The following DHCR24 variants were observed in gnomAD, a reference collection of about 807,000 sequenced individuals.
DHCR24 encodes delta(24)-sterol reductase.
In DHCR24, 28 loss-of-function variants were observed where a neutral mutation model predicts 61.2. That is an observed-to-expected ratio of 0.46 (90% CI 0.34 to 0.63). DHCR24 has a LOEUF of 0.63. DHCR24 is among the 20% of genes least tolerant of loss of function. The pLI, the probability that DHCR24 is intolerant of heterozygous loss-of-function variation, is 0.01. For synonymous variants in DHCR24, 261 were observed against 275.9 expected, an observed-to-expected ratio of 0.95 and a Z score of 0.54; for missense variants, 538 against 679.1, an observed-to-expected ratio of 0.79 and a Z score of 2.31.
intron 6 of DHCR24, 48 bp downstream of exon 6, chr1:54,865,255 T>G: frequency 8.8e-6 from 14 of 1,593,950 alleles, no homozygotes; most frequent in Non-Finnish European, 1.1e-5. Context: ...CCGGGCTCCC[T>G]GCCCAGCTGG....
At position 54,851,845 on chromosome 1, in the gene DHCR24, A is replaced by C; in HGVS notation, c.*388T>G. Reference sequence around the variant, plus strand: ...ACTGCAGATGTGACGCTGAACGGGAAGCAACAAGAGCTACCACTTACCCAG... The same window carrying C: ...ACTGCAGATGTGACGCTGAACGGGACGCAACAAGAGCTACCACTTACCCAG... On this transcript the variant is annotated 3_prime_UTR_variant, in exon 9 of 9. Coordinates refer to ENST00000371269, the MANE Select transcript of DHCR24 (RefSeq NM_014762.4). 1 of 256,324 alleles carries C rather than the reference A, an allele frequency of 3.9e-6. No individual in the cohort carries two copies. Among genetic ancestry groups the C allele is most frequent in the Non-Finnish European group, 7.6e-6 (1 of 131,238 alleles). 15.9% of individuals were successfully genotyped at this position (256,324 alleles called of 1,614,324 possible).
chr1:54,852,271 C>T lies in DHCR24; in HGVS notation c.1513G>A (p.Glu505Lys). Residue 505 changes from glutamate (E) to lysine (K), a missense_variant, in exon 9 of 9, where the codon GAG (glutamate) becomes AAG (lysine). Physicochemically the swap from Glu to Lys is moderately conservative, Grantham distance 56. Coordinates refer to ENST00000371269, the MANE Select transcript of DHCR24 (RefSeq NM_014762.4). ...EKLGCQDAFP[E>K]VYDKICKAAR... ...GCCTTGCAGATCTTGTCGTACACCT[C>T]GGGGAAGGCGTCCTGGCAACCCAGC... The T allele has an allele frequency of 1.9e-6, 3 of 1,614,218 alleles. No individual in the cohort carries two copies. Among genetic ancestry groups the T allele is most frequent in the East Asian group, 2.2e-5 (1 of 44,878 alleles).
At chr1:54,885,321 T>G (rs1246922471) in intron 1 of DHCR24, among the ~76,000 whole-genome samples, 1 of 151,894 alleles carries the variant, frequency 6.6e-6, no homozygotes, top group Non-Finnish European at 1.5e-5. Flanking sequence ...AGGGAGTGAT[T>G]AGGGGTGCTG....
chr1:54,880,725 A>C (rs999227281), intron 2 of DHCR24, among the ~76,000 whole-genome samples: 32 of 152,186 alleles, frequency 2.1e-4, no homozygotes, highest in Non-Finnish European at 5.9e-5. Context: ...AGATAGCACC[A>C]CTGCACTCCA....
rs189446332 is a variant in DHCR24, at chr1:54,874,615, T to C, written c.612+478A>G. 3.1e-3 allele frequency among the ~76,000 whole-genome samples: 476 copies of C among 152,314 alleles called. 4 individuals carry two copies. The highest frequency in any genetic ancestry group is 0.011 in the African/African-American group (445 of 41,568). On this transcript the variant is annotated intron_variant, in intron 4 of 8. Coordinates refer to ENST00000371269, the MANE Select transcript of DHCR24 (RefSeq NM_014762.4). ...TTCTTATAACATATCCCTACTGTTC[T>C]GTGACACATGACTGTACCTCACAGT...
intron 6 of DHCR24, among the ~76,000 whole-genome samples, chr1:54,860,993 A>AT (rs1646934531): frequency 2.2e-3 from 65 of 29,620 alleles, no homozygotes; most frequent in Admixed American, 5.3e-3. Flanking sequence ...ATCTCAAAAA[A>AT]GAAAAAAAAA....
intron 4 of DHCR24, among the ~76,000 whole-genome samples, chr1:54,871,862 C>G (rs914690414): frequency 6.6e-6 from 1 of 152,188 alleles, no homozygotes; most frequent in Non-Finnish European, 1.5e-5. Flanking sequence ...CTTCTCCCAT[C>G]TAGGTACAGC....
At position 54,854,145 on chromosome 1, in the gene DHCR24, C is replaced by G; in HGVS notation, c.1110G>C (p.Gln370His). The G allele has an allele frequency of 6.2e-7, 1 of 1,614,126 alleles. No individual in the cohort carries two copies. Among genetic ancestry groups the G allele is most frequent in the East Asian group, 2.2e-5 (1 of 44,878 alleles). ...PPKISLLKLTQGETLRKLYEQ... is the reference protein window; with the variant it reads ...PPKISLLKLTHGETLRKLYEQ... ...CGTACAGCTTGCGCAGGGTCTCACC[C>G]TGGGTCAGCTTCAGGAGGGAGATCT... Residue 370 changes from glutamine to histidine, a missense_variant, in exon 7 of 9, where the codon CAG becomes CAC. By Grantham distance (24) the Gln-to-His change is conservative. Transcript: ENST00000371269.
chr1:54,875,846 C>T lies in DHCR24; in HGVS notation c.493+96G>A, dbSNP rs2075392. On this transcript the variant is annotated intron_variant, in intron 3 of 8. Transcript: ENST00000371269. ...ATGACTTCTGTCACAGATGGAATAG[C>T]GGCAATTCCAGGACTAGATGGAGGG... is the stretch of plus-strand genomic sequence containing the variant. The T allele has an allele frequency of 0.011, 10,612 of 949,110 alleles. 578 individuals carry two copies. The East Asian group carries it at 0.15, about 13-fold the overall frequency. The allele number at this position is 949,110 out of a possible 1,614,324, so 58.8% of individuals were successfully genotyped here. A position where few individuals can be genotyped will look rare whatever the true frequency, so the allele number is the denominator to read the frequency against.
intron 2 of DHCR24, among the ~76,000 whole-genome samples, chr1:54,882,309 CATCT>C (rs1331400392): frequency 6.6e-6 from 1 of 152,164 alleles, no homozygotes; most frequent in Non-Finnish European, 1.5e-5. Context: ...AACTACTACA[CATCT>C]ATTAGAATGG....
intron 6 of DHCR24, among the ~76,000 whole-genome samples, chr1:54,862,628 C>T (rs1317334549): frequency 6.6e-6 from 1 of 152,168 alleles, no homozygotes; most frequent in African/African-American, 2.4e-5. Flanking sequence ...CTTTAGAAAA[C>T]ATTTCTCTGT....
At chr1:54,884,490 T>C (rs1647082136) in intron 1 of DHCR24, among the ~76,000 whole-genome samples, 2 of 152,146 alleles carry the variant, frequency 1.3e-5, no homozygotes, top group Non-Finnish European at 2.9e-5. Flanking sequence ...CTAAGGTAAG[T>C]GACCAGAGCA....
In DHCR24 at chr1:54,854,147, G is replaced by C. The variant is rs1396679373; in HGVS notation, c.1108C>G (p.Gln370Glu). Reference sequence around the variant, plus strand: ...TACAGCTTGCGCAGGGTCTCACCCTGGGTCAGCTTCAGGAGGGAGATCTTG... The same window carrying C: ...TACAGCTTGCGCAGGGTCTCACCCTCGGTCAGCTTCAGGAGGGAGATCTTG... ...PPKISLLKLT[Q>E]GETLRKLYEQ... The change falls in exon 7 of 9, where the codon CAG becomes GAG. Residue 370 changes from glutamine (Q) to glutamate (E), a missense_variant. Gln to Glu is a conservative substitution (Grantham distance 29). Coordinates refer to ENST00000371269, the MANE Select transcript of DHCR24 (RefSeq NM_014762.4). The C allele has an allele frequency of 1.2e-6, 2 of 1,614,118 alleles. No homozygotes were observed. Among genetic ancestry groups the C allele is most frequent in the Non-Finnish European group, 8.5e-7 (1 of 1,179,974 alleles).
chr1:54,864,938 C>G (rs1399474567), intron 6 of DHCR24, among the ~76,000 whole-genome samples: 3 of 152,218 alleles, frequency 2.0e-5, no homozygotes, highest in African/African-American at 7.2e-5. Flanking sequence ...GAGCCCTAGG[C>G]AGAACTAGCC....
intron 6 of DHCR24, among the ~76,000 whole-genome samples, chr1:54,863,088 A>G (rs1011694408): frequency 5.4e-5 from 7 of 129,056 alleles, no homozygotes; most frequent in African/African-American, 2.1e-4. Context: ...AAAAAAAAAA[A>G]AAAAAAAAAA....
chr1:54,877,899 TACTC>T (rs143152143), intron 2 of DHCR24, among the ~76,000 whole-genome samples: 2,357 of 151,854 alleles, frequency 0.016, 80 homozygotes, highest in East Asian at 0.12. Context: ...TAATCCCACT[TACTC>T]AGGAGGCTGA....
At chr1:54,866,112 C>T (rs1646966905) in intron 5 of DHCR24, among the ~76,000 whole-genome samples, 1 of 152,130 alleles carries the variant, frequency 6.6e-6, no homozygotes, top group African/African-American at 2.4e-5. Flanking sequence ...GGCTGAGCTT[C>T]TCCTGGCCTC....
At chr1:54,863,596 A>G (rs1646950600) in intron 6 of DHCR24, among the ~76,000 whole-genome samples, 1 of 152,234 alleles carries the variant, frequency 6.6e-6, no homozygotes. Context: ...TAAAGATTAG[A>G]GCTGCAACTA....
intron 5 of DHCR24, among the ~76,000 whole-genome samples, chr1:54,869,608 G>C (rs1341960899): frequency 2.0e-5 from 3 of 147,956 alleles, no homozygotes; most frequent in Non-Finnish European, 3.0e-5. Flanking sequence ...CACACACAGA[G>C]AAATAGGTCT....
Sources: allele counts gnomAD v4.1 joint callset (sites outside exome capture counted in the v4.1 genomes callset), GRCh38; gene constraint gnomAD v4.1.1; transcripts MANE v1.5; gene names NCBI Gene and HGNC (gene_info 2026-07-23, HGNC 2026-07-21).